PCDHGB5: variants seen among roughly 807,000 people sequenced by gnomAD.
The protein encoded by PCDHGB5 is protocadherin gamma subfamily B, 5.
PCDHGB5 carries 48 observed loss-of-function variants against 62.9 expected under a neutral mutation model. The observed-to-expected ratio is 0.76, with a 90% CI of 0.61 to 0.97. The LOEUF is 0.97. Ranked by LOEUF, PCDHGB5 falls within the 50% of genes least tolerant of loss-of-function variation. The probability of loss-of-function intolerance (pLI) is 0.00; values close to 1 mark genes in which losing one functional copy is unlikely to be tolerated. For missense variants in PCDHGB5, 1,118 were observed against 1,198.6 expected (o/e 0.93, Z 0.99); for synonymous variants, 474 against 511.2 (o/e 0.93, Z 0.98).
rs1014758036 is a variant in PCDHGB5 at position 141,486,472 on chromosome 5, T to C, written c.2398-8335T>C. The C allele has an allele frequency of 6.2e-7, 1 of 1,614,032 alleles. No homozygotes were observed. Among genetic ancestry groups the C allele is most frequent in the Non-Finnish European group, 8.5e-7 (1 of 1,179,862 alleles). ...TCACTGCTTCTGATGCTGGGAACCC[T>C]CCTCTCAGTACCCACAGAACTATTT... On this transcript the variant is annotated intron_variant, in intron 1 of 3. Coordinates refer to ENST00000617380, the MANE Select transcript of PCDHGB5 (RefSeq NM_018925.3). This position sits in a 1 kb window ranked among gnomAD's most constrained non-coding sequence, Gnocchi z 5.0.
intron 1 of PCDHGB5, among the ~76,000 whole-genome samples, chr5:141,469,449 C>A (rs1017174114): frequency 2.0e-5 from 3 of 151,846 alleles, no homozygotes; most frequent in African/African-American, 7.3e-5. Context: ...GTGGTGCACA[C>A]CTGTAGTCTC....
intron 1 of PCDHGB5, chr5:141,403,168 G>A: frequency 1.2e-6 from 2 of 1,614,032 alleles, no homozygotes; most frequent in African/African-American, 1.3e-5. Context: ...GAGGTAGGAC[G>A]CAGCTTTTCT....
At chr5:141,409,626 G>A (rs776642148) in intron 1 of PCDHGB5, 13 of 1,613,760 alleles carry the variant, frequency 8.1e-6, no homozygotes, top group Non-Finnish European at 5.1e-6. Flanking sequence ...GCGCAAGTGA[G>A]CGCCTCTGAC....
chr5:141,503,471 C>A (rs2099820129), intron 2 of PCDHGB5, among the ~76,000 whole-genome samples: 1 of 151,836 alleles, frequency 6.6e-6, no homozygotes, highest in African/African-American at 2.4e-5. Context: ...GGCATGTGTG[C>A]ACTTGTCGTC....
At position 141,512,750 on chromosome 5, in the gene PCDHGB5, G is replaced by C. The variant is rs538475261; in HGVS notation, c.*1577G>C. The C allele has an allele frequency of 2.6e-5, 4 of 152,894 alleles. No homozygotes were observed. The highest frequency in any genetic ancestry group is 4.4e-5 in the Non-Finnish European group (3 of 68,656). 9.5% of individuals were successfully genotyped at this position (152,894 alleles called of 1,614,324 possible). ...AGCGGGCGGCGGGCTCCGCGCAGCC[G>C]TCTGTCCTTGATCTGCCCGCGGCGG... On this transcript the variant is annotated 3_prime_UTR_variant, in exon 4 of 4. Coordinates refer to ENST00000617380, the MANE Select transcript of PCDHGB5 (RefSeq NM_018925.3).
At chr5:141,450,006 C>CTTTTTT (rs1554136305) in intron 1 of PCDHGB5, among the ~76,000 whole-genome samples, 15 of 132,950 alleles carry the variant, frequency 1.1e-4, no homozygotes, top group African/African-American at 2.0e-4. Context: ...TGCCATGTCT[C>CTTTTTT]TTTTTTTTTT....
At chr5:141,481,999 C>T (rs958678555) in intron 1 of PCDHGB5, among the ~76,000 whole-genome samples, 7 of 149,942 alleles carry the variant, frequency 4.7e-5, no homozygotes, top group Admixed American at 2.0e-4. Flanking sequence ...GCAGGAGAAT[C>T]GCTTTATCTC....
chr5:141,418,247 G>A, intron 1 of PCDHGB5: 1 of 1,614,032 alleles, frequency 6.2e-7, no homozygotes, highest in Non-Finnish European at 8.5e-7. Context: ...TAATGACCAC[G>A]CCCCTCAATT....
chr5:141,403,429 T>C (rs1282528901), intron 1 of PCDHGB5: 2 of 1,614,006 alleles, frequency 1.2e-6, no homozygotes, highest in Non-Finnish European at 1.7e-6. Flanking sequence ...AAGCTATTGA[T>C]CCGGATGTTG....
intron 3 of PCDHGB5, chr5:141,507,089 C>T (rs564539147): frequency 2.0e-5 from 3 of 152,298 alleles, no homozygotes; most frequent in Admixed American, 1.3e-4. Context: ...TAAGTTTATG[C>T]TCTTTCTACT....
Position 141,477,176 on chromosome 5 carries a change from G to A in PCDHGB5, c.2398-17631G>A. ...GAATGACAACGCCCCGGAGATCACA[G>A]TCACCTCCGTGTACAGCCCAGTACC... On this transcript the variant is annotated intron_variant, in intron 1 of 3. Transcript: ENST00000617380. The surrounding 1 kb of genome is among the most constrained non-coding windows in gnomAD (Gnocchi z 4.9). 2 of 1,614,206 alleles carry A rather than the reference G, an allele frequency of 1.2e-6. No individual in the cohort carries two copies. Among genetic ancestry groups the A allele is most frequent in the Admixed American group, 1.7e-5 (1 of 60,024 alleles).
chr5:141,476,912 G>A lies in PCDHGB5; in HGVS notation c.2398-17895G>A, dbSNP rs1196222770. 1.9e-6 allele frequency: 3 copies of A among 1,614,098 alleles called. No homozygotes were observed. Among genetic ancestry groups the A allele is most frequent in the Non-Finnish European group, 2.5e-6 (3 of 1,180,048 alleles). On this transcript the variant is annotated intron_variant, in intron 1 of 3. Coordinates refer to ENST00000617380, the MANE Select transcript of PCDHGB5 (RefSeq NM_018925.3). The surrounding 1 kb of genome is among the most constrained non-coding windows in gnomAD (Gnocchi z 7.6). Reference sequence around the variant, plus strand: ...ACCCTCCGGCACGCGCGTGGTACAAGTCCTTGCAACGGATCTGGATGAAGG... The same window carrying A: ...ACCCTCCGGCACGCGCGTGGTACAAATCCTTGCAACGGATCTGGATGAAGG...
chr5:141,476,697 C>T lies in PCDHGB5; in HGVS notation c.2398-18110C>T, dbSNP rs758302668. The T allele has an allele frequency of 2.5e-6, 4 of 1,614,110 alleles. No individual in the cohort carries two copies. The highest frequency in any genetic ancestry group is 2.2e-5 in the South Asian group (2 of 91,088). The stretch of plus-strand genomic sequence containing the variant: ...ACGCGGGAGGACAGCACCAAGTACG[C>T]GGAGCTGGTGTTGGAGCGCGCCCTG... On this transcript the variant is annotated intron_variant, in intron 1 of 3. Coordinates refer to ENST00000617380, the MANE Select transcript of PCDHGB5 (RefSeq NM_018925.3). The surrounding 1 kb of genome is among the most constrained non-coding windows in gnomAD (Gnocchi z 7.6).
chr5:141,437,252 CTT>C (rs1030396727), intron 1 of PCDHGB5, among the ~76,000 whole-genome samples: 3 of 152,268 alleles, frequency 2.0e-5, no homozygotes, highest in Admixed American at 6.5e-5. Context: ...CTTTCCTTGT[CTT>C]TTTATGTGTA....
intron 1 of PCDHGB5, among the ~76,000 whole-genome samples, chr5:141,469,489 C>T (rs1013080566): frequency 4.6e-5 from 7 of 151,928 alleles, no homozygotes; most frequent in Middle Eastern, 3.4e-3. Context: ...GCAGGAGAAT[C>T]GCTTGAACCC....
intron 1 of PCDHGB5, chr5:141,478,265 G>C: frequency 1.2e-6 from 2 of 1,614,196 alleles, no homozygotes; most frequent in Non-Finnish European, 1.7e-6. Flanking sequence ...CATATTCAAA[G>C]TTTACAAGTG....
intron 1 of PCDHGB5, chr5:141,423,653 G>A: frequency 6.3e-7 from 1 of 1,578,174 alleles, no homozygotes. Context: ...GACCCGACAA[G>A]TAATCAGGTG....
chr5:141,482,429 A>G (rs955366858), intron 1 of PCDHGB5, among the ~76,000 whole-genome samples: 1 of 151,366 alleles, frequency 6.6e-6, no homozygotes, highest in African/African-American at 2.4e-5. Flanking sequence ...AAAAATGATA[A>G]TACTGATATT....
rs766474451 is a variant in PCDHGB5 at position 141,477,676 on chromosome 5, AT to A, written c.2398-17130del. On this transcript the variant is annotated intron_variant, in intron 1 of 3. Coordinates refer to ENST00000617380, the MANE Select transcript of PCDHGB5 (RefSeq NM_018925.3). This position sits in a 1 kb window ranked among gnomAD's most constrained non-coding sequence, Gnocchi z 4.9. ...TAAATCGTGACAATGGCATAGTGTCATCCTTAGTGCCCCTAGACTATGAGGA... is the reference window on the plus strand; with the variant it reads ...TAAATCGTGACAATGGCATAGTGTCACCTTAGTGCCCCTAGACTATGAGGA... 6.2e-7 allele frequency: 1 copy of A among 1,614,194 alleles called. No homozygotes were observed. The highest frequency in any genetic ancestry group is 2.2e-5 in the East Asian group (1 of 44,886).
Sources: gnomAD v4.1 joint callset for allele counts (sites outside exome capture counted in the v4.1 genomes callset) on GRCh38, gnomAD v4.1.1 for gene constraint, Gnocchi (gnomAD v3.1) non-coding constraint, MANE v1.5 for transcripts, NCBI Gene and HGNC (gene_info 2026-07-23, HGNC 2026-07-21) for gene names.